KIAA1217: variants seen among roughly 807,000 people sequenced by gnomAD.
The protein encoded by KIAA1217 is sickle tail protein homolog.
KIAA1217 carries 88 observed loss-of-function variants against 163.9 expected under a neutral mutation model. The observed-to-expected ratio is 0.54, with a 90% CI of 0.45 to 0.64. The LOEUF (loss-of-function observed/expected upper bound fraction) is 0.64. Among genes scored for constraint, KIAA1217 ranks in the 30% least tolerant of loss-of-function variants. The pLI is 0.00. For missense variants in KIAA1217, 2,372 were observed against 2,475.0 expected (o/e 0.96, Z 0.88); for synonymous variants, 903 against 923.1 (o/e 0.98, Z 0.39).
chr10:23,709,299 G>A (rs1398470486), intron 1 of KIAA1217, among the ~76,000 whole-genome samples: 2 of 152,070 alleles, frequency 1.3e-5, no homozygotes, highest in East Asian at 3.9e-4. Context: ...CGAGGTGGGC[G>A]GATCACTTGA....
chr10:24,217,541 C>A (rs866360755), intron 1 of KIAA1217, among the ~76,000 whole-genome samples: 8 of 152,296 alleles, frequency 5.3e-5, no homozygotes, highest in Middle Eastern at 3.4e-3. Flanking sequence ...AACAGGAAAA[C>A]CAGCCTGAGA....
At chr10:24,103,601 G>A (rs2062503924) in intron 2 of KIAA1217, among the ~76,000 whole-genome samples, 1 of 152,074 alleles carries the variant, frequency 6.6e-6, no homozygotes, top group Non-Finnish European at 1.5e-5. Context: ...TAGCAGATAT[G>A]TCCCCAAAGA....
At chr10:24,089,550 G>A (rs1277651381) in intron 2 of KIAA1217, among the ~76,000 whole-genome samples, 2 of 150,692 alleles carry the variant, frequency 1.3e-5, no homozygotes, top group African/African-American at 4.9e-5. Context: ...TATTAAATAG[G>A]GAATCCTTTC....
In KIAA1217 at chr10:24,045,407, C is replaced by A. The variant is rs924489378; in HGVS notation, c.-171+38033C>A. Among the ~76,000 whole-genome samples the A allele has an allele frequency of 7.5e-4, 114 of 152,194 alleles. 2 individuals carry two copies. The highest frequency in any genetic ancestry group is 5.2e-4 in the Admixed American group (8 of 15,286). ...TGGCCTTCGGTTCTGAGTATTCTTTCCTATCAATTCTTTGATAATTTCTTT... is the reference window on the plus strand; with the variant it reads ...TGGCCTTCGGTTCTGAGTATTCTTTACTATCAATTCTTTGATAATTTCTTT... On this transcript the variant is annotated intron_variant, in intron 2 of 18. Coordinates refer to the KIAA1217 transcript ENST00000376462.
At position 23,967,030 on chromosome 10, in the gene KIAA1217, TAATAAATA is replaced by T. The variant is rs67898599; in HGVS notation, c.-320-40188_-320-40181del. ...AATTTTGATTTTATACAATCAGTAT[TAATAAATA>T]AATAAAGAATTATTAAGTTTTAAAA... On this transcript the variant is annotated intron_variant, in intron 1 of 18. Coordinates refer to the KIAA1217 transcript ENST00000376462. Among the ~76,000 whole-genome samples the T allele has an allele frequency of 8.6e-5, 13 of 151,544 alleles. No individual in the cohort carries two copies. The South Asian group carries it at 2.1e-3, about 24-fold the overall frequency.
chr10:24,217,786 C>G (rs1382710337), intron 1 of KIAA1217, among the ~76,000 whole-genome samples: 1 of 152,176 alleles, frequency 6.6e-6, no homozygotes, highest in African/African-American at 2.4e-5. Context: ...TTTTTCTGCA[C>G]TTAACTTGTA....
intron 10 of KIAA1217, among the ~76,000 whole-genome samples, chr10:24,517,420 CAAATTATATGTACT>C (rs1309302411): frequency 2.0e-5 from 3 of 151,976 alleles, no homozygotes; most frequent in Non-Finnish European, 4.4e-5. Context: ...TTGATCTGTA[CAAATTATATGTACT>C]AAATTATCAC....
intron 5 of KIAA1217, among the ~76,000 whole-genome samples, chr10:24,454,130 C>T (rs1048856374): frequency 6.6e-6 from 1 of 152,156 alleles, no homozygotes; most frequent in Non-Finnish European, 1.5e-5. Context: ...TCTAATTCCT[C>T]TCTAAGAGTT....
intron 2 of KIAA1217, among the ~76,000 whole-genome samples, chr10:24,243,062 C>T (rs1478236861): frequency 6.6e-6 from 1 of 152,100 alleles, no homozygotes; most frequent in Non-Finnish European, 1.5e-5. Flanking sequence ...TTTTGGTGTA[C>T]AGAAGCTCTT....
intron 5 of KIAA1217, among the ~76,000 whole-genome samples, chr10:24,444,367 G>C (rs1349492240): frequency 6.6e-6 from 1 of 152,146 alleles, no homozygotes; most frequent in African/African-American, 2.4e-5. Flanking sequence ...CCAAATAAAA[G>C]ACTTCCTACC....
intron 2 of KIAA1217, among the ~76,000 whole-genome samples, chr10:24,040,315 C>T (rs2131555677): frequency 6.6e-6 from 1 of 152,338 alleles, no homozygotes; most frequent in Non-Finnish European, 1.5e-5. Flanking sequence ...TCCTCCATCC[C>T]TGCACAATTG....
At chr10:24,017,024 G>C (rs1351830585) in intron 2 of KIAA1217, among the ~76,000 whole-genome samples, 1 of 144,932 alleles carries the variant, frequency 6.9e-6, no homozygotes, top group Non-Finnish European at 1.5e-5. Context: ...TGTTTCGTTG[G>C]TTAGTTAGTT....
chr10:24,023,164 A>G (rs1254898397), intron 2 of KIAA1217, among the ~76,000 whole-genome samples: 1 of 151,722 alleles, frequency 6.6e-6, no homozygotes, highest in Non-Finnish European at 1.5e-5. Flanking sequence ...AAATGAGTCC[A>G]TATATTATTA....
chr10:24,129,565 G>A (rs2063580711), intron 2 of KIAA1217, among the ~76,000 whole-genome samples: 1 of 151,872 alleles, frequency 6.6e-6, no homozygotes, highest in African/African-American at 2.4e-5. Flanking sequence ...ATAATCAATA[G>A]GACTCCTGCC....
chr10:23,946,976 G>A (rs201250506), intron 1 of KIAA1217, among the ~76,000 whole-genome samples: 1 of 152,044 alleles, frequency 6.6e-6, no homozygotes, highest in Non-Finnish European at 1.5e-5. Flanking sequence ...CTCATGATAG[G>A]GAGTGAGTTC....
Position 23,695,211 on chromosome 10 carries a change from A to AG in KIAA1217, c.-339dup. On this transcript the variant is annotated 5_prime_UTR_variant, in exon 1 of 19. Transcript: ENST00000376462. The surrounding 1 kb of genome is among the most constrained non-coding windows in gnomAD (Gnocchi z 4.9). ...GCCAGTGGGAGAGCGAGGAGAGGCGAGGGGGCGGCAGCCTCGGCCCGAAGT... is the reference window on the plus strand; with the variant it reads ...GCCAGTGGGAGAGCGAGGAGAGGCGAGGGGGGCGGCAGCCTCGGCCCGAAGT... The AG allele has an allele frequency of 6.6e-6, 1 of 152,626 alleles. No individual in the cohort carries two copies. Among genetic ancestry groups the AG allele is most frequent in the Non-Finnish European group, 1.5e-5 (1 of 68,358 alleles). The allele number at this position is 152,626 out of a possible 1,614,324, so 9.5% of individuals were successfully genotyped here. A position where few individuals can be genotyped will look rare whatever the true frequency, so the allele number is the denominator to read the frequency against.
chr10:24,449,302 G>T (rs2061211625), intron 5 of KIAA1217: 1 of 212,658 alleles, frequency 4.7e-6, no homozygotes, highest in Non-Finnish European at 8.1e-6. Context: ...CTGCTGCGTG[G>T]CTGCTTGCTT....
chr10:24,103,927 A>G (rs181890142), intron 2 of KIAA1217, among the ~76,000 whole-genome samples: 1 of 152,332 alleles, frequency 6.6e-6, no homozygotes, highest in East Asian at 1.9e-4. Flanking sequence ...CAACACAAAC[A>G]TATTCAACTG....
intron 2 of KIAA1217, among the ~76,000 whole-genome samples, chr10:24,080,862 G>A (rs1176885128): frequency 7.1e-5 from 10 of 141,010 alleles, no homozygotes; most frequent in African/African-American, 1.3e-4. Flanking sequence ...TAATCTTAAC[G>A]TTTGTCAAAA....
Sources: gnomAD v4.1 joint callset for allele counts (sites outside exome capture counted in the v4.1 genomes callset) on GRCh38, gnomAD v4.1.1 for gene constraint, Gnocchi (gnomAD v3.1) non-coding constraint, MANE v1.5 for transcripts, NCBI Gene and HGNC (gene_info 2026-07-23, HGNC 2026-07-21) for gene names.